The following DMD variants were observed in gnomAD, a reference collection of about 807,000 sequenced individuals.
DMD encodes the protein dystrophin.
A neutral mutation model predicts 330.1 loss-of-function variants in DMD; 63 were observed. The ratio of observed to expected loss-of-function variants is 0.19; its 90% CI spans 0.16 to 0.24. The LOEUF (loss-of-function observed/expected upper bound fraction) is 0.24. Among genes scored for constraint, DMD ranks in the 10% least tolerant of loss-of-function variants. The probability of loss-of-function intolerance (pLI) is 1.00; values close to 1 mark genes in which losing one functional copy is unlikely to be tolerated. For missense variants in DMD, 3,344 were observed against 2,684.1 expected (o/e 1.25, Z -5.43); for synonymous variants, 1,223 against 959.8 (o/e 1.27, Z -5.07).
intron 1 of DMD, among the ~76,000 whole-genome samples, chrX:33,176,724 T>C (rs1255606539): frequency 2.7e-5 from 3 of 110,801 alleles, no homozygotes; most frequent in Admixed American, 9.6e-5. Context: ...TCATTTGACG[T>C]CAGGAGTTCA....
intron 44 of DMD, among the ~76,000 whole-genome samples, chrX:32,144,739 A>G (rs983352674): frequency 1.8e-5 from 2 of 112,185 alleles, no homozygotes; most frequent in African/African-American, 6.5e-5. Context: ...TCTTTCAAAA[A>G]TAAAATTCAC....
At chrX:31,516,826 C>T (rs988638272) in intron 55 of DMD, among the ~76,000 whole-genome samples, 1 of 111,523 alleles carries the variant, frequency 9.0e-6, no homozygotes, top group Non-Finnish European at 1.9e-5. Flanking sequence ...GCTTTCTTGC[C>T]TCAGTATATT....
At chrX:32,489,473 G>A (rs953906128) in intron 20 of DMD, among the ~76,000 whole-genome samples, 1 of 111,073 alleles carries the variant, frequency 9.0e-6, no homozygotes, top group African/African-American at 3.3e-5. Flanking sequence ...AAAGCCATGT[G>A]AGGACAGAGT....
At chrX:33,242,098 A>G (rs2052595116) in intron 1 of DMD, among the ~76,000 whole-genome samples, 1 of 111,509 alleles carries the variant, frequency 9.0e-6, no homozygotes, top group Non-Finnish European at 1.9e-5. Flanking sequence ...TGTAAATGGG[A>G]TTTTTTAAAA....
At chrX:31,379,396 C>T (rs1405834946) in intron 60 of DMD, among the ~76,000 whole-genome samples, 1 of 111,389 alleles carries the variant, frequency 9.0e-6, no homozygotes, top group Non-Finnish European at 1.9e-5. Flanking sequence ...AGCGTTTAGG[C>T]TCTTTTTCAT....
At chrX:32,666,968 C>G (rs1361817793) in intron 9 of DMD, among the ~76,000 whole-genome samples, 2 of 111,299 alleles carry the variant, frequency 1.8e-5, no homozygotes, top group South Asian at 3.7e-4. Flanking sequence ...GATATCCGGG[C>G]TTCTATGCTC....
At chrX:32,302,914 T>C (rs1202420443) in intron 42 of DMD, among the ~76,000 whole-genome samples, 5 of 110,950 alleles carry the variant, frequency 4.5e-5, no homozygotes, top group Admixed American at 1.9e-4. Flanking sequence ...GGTACAACTA[T>C]CAACAATCAG....
intron 11 of DMD, among the ~76,000 whole-genome samples, chrX:32,630,430 C>T (rs1005578189): frequency 5.5e-5 from 6 of 109,509 alleles, no homozygotes; most frequent in Admixed American, 4.9e-4. Flanking sequence ...ATTATATCTC[C>T]TTGGTGTTCT....
intron 1 of DMD, among the ~76,000 whole-genome samples, chrX:33,074,758 G>A (rs144772189): frequency 1.5e-3 from 162 of 111,308 alleles, no homozygotes; most frequent in African/African-American, 5.2e-3. Context: ...CTCACCAGAT[G>A]TGTCCTTTTG....
intron 2 of DMD, among the ~76,000 whole-genome samples, chrX:32,953,277 A>T (rs753247755): frequency 9.0e-6 from 1 of 111,696 alleles, no homozygotes; most frequent in East Asian, 2.8e-4. Context: ...TACATAATGC[A>T]AAATGAGCAC....
rs140968756 is a variant in DMD, at chrX:31,489,709, T to C, written c.8547+7079A>G. Among the ~76,000 whole-genome samples, 207 of 111,991 alleles carry C rather than the reference T, an allele frequency of 1.8e-3. 1 individual carries two copies. The East Asian group carries it at 0.027, about 14-fold the overall frequency. On this transcript the variant is annotated intron_variant, in intron 57 of 78. Transcript: ENST00000357033. ...CAATAAATTCTAGGAATCTGAGTTA[T>C]GGTATAATTTTTCCTAAAATAATGT...
At chrX:32,872,174 C>A (rs1259879965) in intron 2 of DMD, among the ~76,000 whole-genome samples, 1 of 111,418 alleles carries the variant, frequency 9.0e-6, no homozygotes, top group African/African-American at 3.3e-5. Flanking sequence ...CTGGATGTGA[C>A]TTAAGTCCCT....
rs184920749 is a variant in DMD at position 33,229,960 on chromosome X, A to G, written c.7+109299T>C. ...GCTGTGTTTTTCAACAGTGTTTTGC[A>G]TTGAGATTAGACTGTGTTTTCATAT... is the stretch of plus-strand genomic sequence containing the variant. On this transcript the variant is annotated intron_variant, in intron 1 of 17. Transcript: ENST00000288447. 8.9e-5 allele frequency among the ~76,000 whole-genome samples: 10 copies of G among 112,302 alleles called. No homozygotes were observed. The East Asian group carries it at 1.7e-3, about 19-fold the overall frequency.
rs2040322387 is a variant in DMD at position 32,468,795 on chromosome X, CTA to C, written c.2950-87_2950-86del. On this transcript the variant is annotated intron_variant, in intron 22 of 78. Transcript: ENST00000357033. ...TAGTGAAATTAACTGTACTTGAAAT[CTA>C]TATGATTCAAACATGTAAACAAAGT... 1.0e-5 allele frequency: 8 copies of C among 779,495 alleles called. No individual in the cohort carries two copies. In the East Asian group the frequency reaches 2.8e-4, roughly 27 times the overall value. 64.2% of individuals were successfully genotyped at this position (779,495 alleles called of 1,213,427 possible). A position where few individuals can be genotyped will look rare whatever the true frequency, so the allele number is the denominator to read the frequency against.
intron 44 of DMD, among the ~76,000 whole-genome samples, chrX:32,189,847 GTCCCATA>G (rs1221954857): frequency 1.0e-4 from 11 of 110,470 alleles, no homozygotes; most frequent in Non-Finnish European, 1.7e-4. Flanking sequence ...TTCATCTTTG[GTCCCATA>G]GCACTTATCA....
chrX:33,294,843 C>G (rs1376409515), intron 1 of DMD, among the ~76,000 whole-genome samples: 1 of 110,348 alleles, frequency 9.1e-6, no homozygotes, highest in African/African-American at 3.3e-5. Context: ...AGAAATCATA[C>G]AAGCAGTATA....
chrX:33,090,203 G>A (rs964824662), intron 1 of DMD, among the ~76,000 whole-genome samples: 3 of 109,739 alleles, frequency 2.7e-5, no homozygotes, highest in Non-Finnish European at 3.8e-5. Flanking sequence ...AAGCTCATTG[G>A]ACTTATAATA....
chrX:32,560,044 G>T (rs1432421424), intron 16 of DMD, among the ~76,000 whole-genome samples: 1 of 110,454 alleles, frequency 9.1e-6, no homozygotes. Context: ...AAAAATTGTT[G>T]TTAGCAATAT....
intron 45 of DMD, among the ~76,000 whole-genome samples, chrX:31,958,171 G>A (rs748901645): frequency 9.8e-4 from 96 of 98,332 alleles, no homozygotes; most frequent in African/African-American, 3.6e-3. Context: ...TCAACAGATA[G>A]ACTTTAAATG....
Sources: allele counts gnomAD v4.1 joint callset (sites outside exome capture counted in the v4.1 genomes callset), GRCh38; gene constraint gnomAD v4.1.1; transcripts MANE v1.5; gene names NCBI Gene and HGNC (gene_info 2026-07-23, HGNC 2026-07-21).